THNSL1: variants seen among roughly 807,000 people sequenced by gnomAD.
THNSL1 encodes threonine synthase like 1.
A neutral mutation model predicts 50.4 loss-of-function variants in THNSL1; 48 were observed. The observed-to-expected ratio is 0.95, with a 90% CI of 0.76 to 1.21. THNSL1 has a LOEUF of 1.21. THNSL1 is among the 50% of genes most tolerant of loss of function. The probability of loss-of-function intolerance (pLI) is 0.00; values close to 1 mark genes in which losing one functional copy is unlikely to be tolerated. For synonymous variants in THNSL1, 309 were observed against 306.1 expected (o/e 1.01, Z -0.10); for missense variants, 896 against 871.7 (o/e 1.03, Z -0.35).
chr10:25,023,995 G>A lies in THNSL1; in HGVS notation c.772G>A (p.Gly258Arg). ...ATTCTTTAGTGAAGCTGTAATTGAG[G>A]GGTTGGCTTCTGATGGTGGCCTCTT... Reference protein sequence around the residue: ...AKFFSEAVIEGLASDGGLFVP... With the variant: ...AKFFSEAVIERLASDGGLFVP... Residue 258 changes from glycine (G) to arginine (R), a missense_variant, in exon 3 of 3, where the codon GGG becomes AGG. Physicochemically the swap from Gly to Arg is moderately radical, Grantham distance 125. Transcript: ENST00000376356. 6.2e-7 allele frequency: 1 copy of A among 1,614,194 alleles called. No individual in the cohort carries two copies. The highest frequency in any genetic ancestry group is 8.5e-7 in the Non-Finnish European group (1 of 1,180,018).
At chr10:25,022,885 A>G (rs764106857) in intron 2 of THNSL1, among the ~76,000 whole-genome samples, 2 of 152,192 alleles carry the variant, frequency 1.3e-5, no homozygotes, top group East Asian at 1.9e-4. Context: ...AGCATCTACA[A>G]TCTGGCACTT....
At chr10:24,984,638 C>T in the THNSL1 span, 1 of 1,150,624 alleles carries the variant, frequency 8.7e-7, no homozygotes, top group Non-Finnish European at 1.2e-6. Flanking sequence ...TTATTCTCTT[C>T]ATAGTATTTT....
the THNSL1 span, among the ~76,000 whole-genome samples, chr10:25,005,451 T>A: frequency 6.0e-4 from 91 of 152,138 alleles, no homozygotes; most frequent in African/African-American, 2.1e-3. Context: ...AGTTTGAAAG[T>A]GCTTAATTGA....
rs777832458 is a variant in THNSL1 at position 25,024,079 on chromosome 10, G to C, written c.856G>C (p.Ala286Pro). ...CGGGGAGTGGAAAAGCCTAGTAGGA[G>C]CAACCTACGTAGAAAGAGCACAGAT... ...SCGEWKSLVG[A>P]TYVERAQILL... Residue 286 changes from alanine (A) to proline (P), a missense_variant, in exon 3 of 3, where the codon GCA (alanine) becomes CCA (proline). Ala to Pro is a conservative substitution (Grantham distance 27, BLOSUM62 -1). Transcript: ENST00000376356. The C allele has an allele frequency of 4.3e-6, 7 of 1,614,194 alleles. No individual in the cohort carries two copies. Among genetic ancestry groups the C allele is most frequent in the Middle Eastern group, 1.6e-4 (1 of 6,062 alleles).
At chr10:25,014,130 C>A (rs953922570), upstream of THNSL1, among the ~76,000 whole-genome samples, 2 of 152,138 alleles carry the variant, frequency 1.3e-5, no homozygotes, top group Non-Finnish European at 2.9e-5. Context: ...CGATTTTGGT[C>A]ACATACATTC....
At chr10:24,957,004 C>A in the THNSL1 span, among the ~76,000 whole-genome samples, 1 of 152,120 alleles carries the variant, frequency 6.6e-6, no homozygotes. Context: ...CTGAAACCAT[C>A]CCCCCTCAAA....
At chr10:24,963,356 G>A in the THNSL1 span, among the ~76,000 whole-genome samples, 16 of 151,978 alleles carry the variant, frequency 1.1e-4, no homozygotes, top group East Asian at 7.7e-4. Context: ...ATTCTTTTTC[G>A]ACATTTATTT....
At chr10:25,009,445 AT>A in the THNSL1 span, among the ~76,000 whole-genome samples, 1 of 152,224 alleles carries the variant, frequency 6.6e-6, no homozygotes, top group Non-Finnish European at 1.5e-5. Context: ...TTAGGGAAAT[AT>A]TTTAGACATA....
the THNSL1 span, among the ~76,000 whole-genome samples, chr10:24,964,440 A>G: frequency 6.6e-6 from 1 of 152,248 alleles, no homozygotes; most frequent in Non-Finnish European, 1.5e-5. Flanking sequence ...AACACAAAGA[A>G]AATATAAATT....
At position 25,024,097 on chromosome 10, in the gene THNSL1, G is replaced by T. The variant is rs1175722622; in HGVS notation, c.874G>T (p.Ala292Ser). 5 of 1,614,092 alleles carry T rather than the reference G, an allele frequency of 3.1e-6. No individual in the cohort carries two copies. Among genetic ancestry groups the T allele is most frequent in the Non-Finnish European group, 4.2e-6 (5 of 1,180,040 alleles). ...SLVGATYVER[A>S]QILLERCIHP... ...AGTAGGAGCAACCTACGTAGAAAGA[G>T]CACAGATACTGTTGGAAAGATGTAT... Residue 292 changes from alanine (A) to serine (S), a missense_variant, in exon 3 of 3, where the codon GCA becomes TCA. Ala to Ser is a moderately conservative substitution (Grantham distance 99, BLOSUM62 1). Coordinates refer to ENST00000376356, the MANE Select transcript of THNSL1 (RefSeq NM_024838.5).
the THNSL1 span, among the ~76,000 whole-genome samples, chr10:25,008,336 G>GTAAA: frequency 6.6e-6 from 1 of 152,176 alleles, no homozygotes; most frequent in Non-Finnish European, 1.5e-5. Context: ...ATTCTTGGCT[G>GTAAA]TAATTAGTTA....
the THNSL1 span, among the ~76,000 whole-genome samples, chr10:24,999,925 A>C: frequency 6.6e-6 from 1 of 152,246 alleles, no homozygotes; most frequent in Admixed American, 6.5e-5. Flanking sequence ...CCAGAATTTC[A>C]TTGATTTTCT....
At chr10:24,996,649 C>A in the THNSL1 span, among the ~76,000 whole-genome samples, 2 of 152,106 alleles carry the variant, frequency 1.3e-5, no homozygotes, top group African/African-American at 4.8e-5. Flanking sequence ...CTTGAAAATG[C>A]CTTTTCCAAT....
In THNSL1 at chr10:25,026,455, A is replaced by G. The variant is rs1229516814; in HGVS notation, c.*1000A>G. On this transcript the variant is annotated 3_prime_UTR_variant, in exon 3 of 3. Transcript: ENST00000376356. ...TCTCAATAGGAGTGTATTTGTAGAC[A>G]GCAGTTTCCCTATATTATTTGGAGT... The G allele has an allele frequency of 1.2e-5, 2 of 167,104 alleles. No individual in the cohort carries two copies. The highest frequency in any genetic ancestry group is 2.1e-4 in the South Asian group (1 of 4,832). The allele number at this position is 167,104 out of a possible 1,614,324, so 10.4% of individuals were successfully genotyped here.
the THNSL1 span, among the ~76,000 whole-genome samples, chr10:25,010,186 G>T: frequency 6.6e-6 from 1 of 152,164 alleles, no homozygotes; most frequent in Non-Finnish European, 1.5e-5. Context: ...TCCAGGTTGA[G>T]GTGGTTTCAG....
At chr10:25,020,696 A>G (rs1850702051) in intron 1 of THNSL1, among the ~76,000 whole-genome samples, 1 of 151,720 alleles carries the variant, frequency 6.6e-6, no homozygotes, top group Non-Finnish European at 1.5e-5. Context: ...AGCTGAGATC[A>G]TGCCACTGCA....
the THNSL1 span, among the ~76,000 whole-genome samples, chr10:24,992,896 A>G: frequency 1.3e-5 from 2 of 152,338 alleles, no homozygotes; most frequent in East Asian, 3.9e-4. Flanking sequence ...TTCAGGAAAC[A>G]CTGAAGGAAA....
At chr10:25,006,302 C>T in the THNSL1 span, among the ~76,000 whole-genome samples, 1 of 152,088 alleles carries the variant, frequency 6.6e-6, no homozygotes, top group Non-Finnish European at 1.5e-5. Flanking sequence ...AGAAGTGCGG[C>T]TGAAATCTTT....
chr10:24,987,088 T>C, the THNSL1 span, among the ~76,000 whole-genome samples: 1 of 152,178 alleles, frequency 6.6e-6, no homozygotes, highest in Non-Finnish European at 1.5e-5. Flanking sequence ...CAGAAGGCCC[T>C]GGAGGGTGGA....
Sources: allele counts gnomAD v4.1 joint callset (sites outside exome capture counted in the v4.1 genomes callset), GRCh38; gene constraint gnomAD v4.1.1; transcripts MANE v1.5; gene names NCBI Gene and HGNC (gene_info 2026-07-23, HGNC 2026-07-21).